PLBD2: variants seen among roughly 807,000 people sequenced by gnomAD.
PLBD2 encodes putative aminopeptidase PLBD2.
Under a neutral mutation model 68.3 loss-of-function variants are expected in PLBD2, and 51 were observed. That is an observed-to-expected ratio of 0.75 (90% confidence interval 0.60 to 0.94). The LOEUF is 0.94. Among genes scored for constraint, PLBD2 ranks in the 40% least tolerant of loss-of-function variants. PLBD2 has a pLI of 0.00. For missense variants in PLBD2, 729 were observed against 792.2 expected (o/e 0.92, Z 0.96); for synonymous variants, 314 against 339.3 (o/e 0.93, Z 0.82).
chr12:113,364,030 A>G (rs1283809688), intron 1 of PLBD2, among the ~76,000 whole-genome samples: 1 of 152,180 alleles, frequency 6.6e-6, no homozygotes, highest in East Asian at 1.9e-4. Flanking sequence ...GCAGTCCGCT[A>G]TGGCATGTGT....
intron 5 of PLBD2, among the ~76,000 whole-genome samples, chr12:113,375,937 T>G (rs940199093): frequency 1.3e-5 from 2 of 152,170 alleles, no homozygotes; most frequent in African/African-American, 4.8e-5. Context: ...CACTGCAACC[T>G]CTGCCTCCCG....
chr12:113,359,519 C>T (rs1957267018), intron 1 of PLBD2: 1 of 152,306 alleles, frequency 6.6e-6, no homozygotes, highest in South Asian at 2.1e-4. Context: ...AGGGGAAGTC[C>T]TTGGCTGGAT....
At position 113,374,993 on chromosome 12, in the gene PLBD2, G is replaced by A. The variant is rs777476005; in HGVS notation, c.845G>A (p.Arg282Gln). 5.0e-6 allele frequency: 8 copies of A among 1,613,986 alleles called. No homozygotes were observed. Among genetic ancestry groups the A allele is most frequent in the African/African-American group, 2.7e-5 (2 of 74,926 alleles). ...ATCAAGAAGTACTGGCTCCAGTTCC[G>A]GGAAGGCCCCTGGGGTAGGTGGGTG... ...RVIKKYWLQF[R>Q]EGPWGDYPLV... The change falls in exon 5 of 12, where the codon CGG becomes CAG. Residue 282 changes from arginine (R) to glutamine (Q), a missense_variant. Coordinates refer to ENST00000280800, the MANE Select transcript of PLBD2 (RefSeq NM_173542.4).
At chr12:113,364,331 T>C (rs1323586629) in intron 1 of PLBD2, among the ~76,000 whole-genome samples, 1 of 152,150 alleles carries the variant, frequency 6.6e-6, no homozygotes, top group Non-Finnish European at 1.5e-5. Context: ...GCTTTTTTGG[T>C]TTTACGCAGT....
intron 1 of PLBD2, among the ~76,000 whole-genome samples, chr12:113,360,882 C>T (rs900128700): frequency 2.0e-5 from 3 of 152,178 alleles, no homozygotes; most frequent in African/African-American, 7.2e-5. Context: ...TCTCAAACTC[C>T]TGACTTCAGG....
In PLBD2 at chr12:113,369,152, C is replaced by T. The variant is rs891281736; in HGVS notation, c.327C>T (p.Tyr109=). Residue 109 remains tyrosine (Y), a synonymous_variant, in exon 2 of 12, where the codon TAC becomes TAT. Coordinates refer to ENST00000280800, the MANE Select transcript of PLBD2 (RefSeq NM_173542.4). ...AFLELGTSGQ[Y]NDSLQAYAAG... is the part of the protein sequence containing the mutation. Reference sequence around the variant, plus strand: ...TGGAGCTGGGCACAAGTGGCCAATACAATGACAGCTTGCAGGCCTATGCAG... The same window carrying T: ...TGGAGCTGGGCACAAGTGGCCAATATAATGACAGCTTGCAGGCCTATGCAG... 3 of 1,606,522 alleles carry T rather than the reference C, an allele frequency of 1.9e-6. No individual in the cohort carries two copies. In the African/African-American group the frequency reaches 4.0e-5, roughly 21 times the overall value.
chr12:113,385,405 T>C (rs982470224), intron 9 of PLBD2, 122 bp downstream of exon 9: 3 of 931,944 alleles, frequency 3.2e-6, no homozygotes, highest in Non-Finnish European at 5.0e-6. Flanking sequence ...CTACCCCCTT[T>C]TCTGGCCAGG....
At chr12:113,387,478 G>A (rs540868788) in intron 10 of PLBD2, among the ~76,000 whole-genome samples, 25 of 152,298 alleles carry the variant, frequency 1.6e-4, no homozygotes, top group African/African-American at 5.8e-4. Flanking sequence ...AGGAACAAAC[G>A]GGTGCCTCAC....
chr12:113,372,203 G>A lies in PLBD2; in HGVS notation c.385-446G>A, dbSNP rs149191763. On this transcript the variant is annotated intron_variant, in intron 2 of 11. Coordinates refer to ENST00000280800, the MANE Select transcript of PLBD2 (RefSeq NM_173542.4). This position sits in a 1 kb window ranked among gnomAD's most constrained non-coding sequence, Gnocchi z 4.2. ...CCTGGACTCATGCAGGTGGCATCTC[G>A]GTGGGAAGTGCAGAGGGCCGCATGA... Among the ~76,000 whole-genome samples, 959 of 152,212 alleles carry A rather than the reference G, an allele frequency of 6.3e-3. 9 individuals carry two copies. Among genetic ancestry groups the A allele is most frequent in the African/African-American group, 0.022 (895 of 41,528 alleles).
At chr12:113,362,111 C>T (rs1182407821) in intron 1 of PLBD2, among the ~76,000 whole-genome samples, 4 of 151,974 alleles carry the variant, frequency 2.6e-5, no homozygotes, top group Admixed American at 6.6e-5. Context: ...TTTGGGAGAC[C>T]GAGGCAGGAG....
In PLBD2 at chr12:113,358,734, C is replaced by T. The variant is rs1469246251; in HGVS notation, c.134C>T (p.Pro45Leu). The T allele has an allele frequency of 1.4e-6, 2 of 1,391,376 alleles. No individual in the cohort carries two copies. The highest frequency in any genetic ancestry group is 1.9e-6 in the Non-Finnish European group (2 of 1,078,566). The allele number at this position is 1,391,376 out of a possible 1,614,324, so 86.2% of individuals were successfully genotyped here. A position where few individuals can be genotyped will look rare whatever the true frequency, so the allele number is the denominator to read the frequency against. The change falls in exon 1 of 12, where the codon CCG (proline) becomes CTG (leucine). Residue 45 changes from proline (P) to leucine (L), a missense_variant. By Grantham distance (98) the Pro-to-Leu change is moderately conservative. Transcript: ENST00000280800. The stretch of plus-strand genomic sequence containing the variant: ...GGCCTGGCGGGGGCGATCCCAGCGC[C>T]GGGGGGCCGCTGGGCGCGCGATGGG... ...LSGLAGAIPA[P>L]GGRWARDGQV... is the part of the protein sequence containing the mutation.
chr12:113,378,291 CA>C (rs34764422), intron 5 of PLBD2, among the ~76,000 whole-genome samples: 361 of 131,096 alleles, frequency 2.8e-3, no homozygotes, highest in Middle Eastern at 3.9e-3. Flanking sequence ...GCCTCTGTCT[CA>C]AAAAAAAAAA....
chr12:113,370,181 T>TGAGC (rs1479642928), intron 2 of PLBD2, among the ~76,000 whole-genome samples: 3 of 151,868 alleles, frequency 2.0e-5, no homozygotes, highest in Non-Finnish European at 2.9e-5. Context: ...ATTACAGGTG[T>TGAGC]GAGCCACTGT....
Position 113,369,179 on chromosome 12 carries a change from C to G in PLBD2, c.354C>G (p.Ala118=). 6.2e-7 allele frequency: 1 copy of G among 1,607,050 alleles called. No homozygotes were observed. Among genetic ancestry groups the G allele is most frequent in the Non-Finnish European group, 8.5e-7 (1 of 1,176,896 alleles). The change falls in exon 2 of 12, where the codon GCC becomes GCG. Residue 118 remains alanine, a synonymous_variant. Transcript: ENST00000280800. ...ATGACAGCTTGCAGGCCTATGCAGCCGGTGTGGTGGAGGCTGCTGTGTCGG... is the reference window on the plus strand; with the variant it reads ...ATGACAGCTTGCAGGCCTATGCAGCGGGTGTGGTGGAGGCTGCTGTGTCGG... ...QYNDSLQAYA[A]GVVEAAVSEE...
At chr12:113,360,548 C>T (rs1036680497) in intron 1 of PLBD2, among the ~76,000 whole-genome samples, 1 of 152,222 alleles carries the variant, frequency 6.6e-6, no homozygotes, top group Non-Finnish European at 1.5e-5. Flanking sequence ...GCTGTGTGAC[C>T]TTGGGCAAAT....
At chr12:113,381,063 C>T (rs1184689588) in intron 6 of PLBD2, among the ~76,000 whole-genome samples, 3 of 152,072 alleles carry the variant, frequency 2.0e-5, no homozygotes, top group Non-Finnish European at 4.4e-5. Flanking sequence ...CTTGGACCAC[C>T]ACAAGGGCGT....
At chr12:113,374,379 C>T in intron 3 of PLBD2, 95 bp from the exon 4 acceptor site, 1 of 860,636 alleles carries the variant, frequency 1.2e-6, no homozygotes. Flanking sequence ...CCTGCTCTGT[C>T]TGAACCCCCA....
At chr12:113,373,979 A>G (rs1957413863) in intron 3 of PLBD2, among the ~76,000 whole-genome samples, 1 of 151,136 alleles carries the variant, frequency 6.6e-6, no homozygotes, top group Admixed American at 6.6e-5. Flanking sequence ...CAACCCACCC[A>G]TCCATCTTGC....
Position 113,372,637 on chromosome 12 carries a change from C to A in PLBD2, c.385-12C>A, listed in dbSNP as rs202026874. ...CTGCCCGCCCTTGCCTCGCCCACCC[C>A]CTACCCCACAGCTCATCTACATGCA... is the stretch of plus-strand genomic sequence containing the variant. On this transcript the variant is annotated splice_polypyrimidine_tract_variant and intron_variant, in intron 2 of 11. Transcript: ENST00000280800. This position sits in a 1 kb window ranked among gnomAD's most constrained non-coding sequence, Gnocchi z 4.2. 222 of 1,611,396 alleles carry A rather than the reference C, an allele frequency of 1.4e-4. No individual in the cohort carries two copies. Among genetic ancestry groups the A allele is most frequent in the Non-Finnish European group, 1.8e-4 (208 of 1,178,230 alleles).
Sources: gnomAD v4.1 joint callset for allele counts (sites outside exome capture counted in the v4.1 genomes callset) on GRCh38, gnomAD v4.1.1 for gene constraint, Gnocchi (gnomAD v3.1) non-coding constraint, MANE v1.5 for transcripts, NCBI Gene and HGNC (gene_info 2026-07-23, HGNC 2026-07-21) for gene names.